GALNT13: variants seen among roughly 807,000 people sequenced by gnomAD.
The protein encoded by GALNT13 is UDP-GalNAc:polypeptide N-acetylgalactosaminyltransferase 13.
A neutral mutation model predicts 64.2 loss-of-function variants in GALNT13; 28 were observed. The observed-to-expected ratio is 0.44, with a 90% CI of 0.32 to 0.60. The LOEUF is 0.60. Among genes scored for constraint, GALNT13 ranks in the 20% least tolerant of loss-of-function variants. The probability of loss-of-function intolerance (pLI) is 0.05; values close to 1 mark genes in which losing one functional copy is unlikely to be tolerated. For missense variants in GALNT13, 577 were observed against 669.8 expected, an observed-to-expected ratio of 0.86 and a Z score of 1.53; for synonymous variants, 214 against 224.6, an observed-to-expected ratio of 0.95 and a Z score of 0.42.
intron 3 of GALNT13, among the ~76,000 whole-genome samples, chr2:154,024,310 C>G (rs559728345): frequency 6.6e-6 from 1 of 152,292 alleles, no homozygotes; most frequent in Admixed American, 6.5e-5. Flanking sequence ...GGTTGCATTT[C>G]TCCCCGTCAC....
the GALNT13 span, among the ~76,000 whole-genome samples, chr2:153,205,798 ACAACCT>A: frequency 6.6e-6 from 1 of 152,140 alleles, no homozygotes; most frequent in Non-Finnish European, 1.5e-5. Context: ...ATTTAATTTT[ACAACCT>A]TGTGCAAAAC....
intron 9 of GALNT13, among the ~76,000 whole-genome samples, chr2:154,374,462 G>A (rs1341059848): frequency 1.3e-5 from 2 of 152,144 alleles, no homozygotes; most frequent in African/African-American, 4.8e-5. Context: ...AGAGTTAGAA[G>A]CCATTACCAG....
intron 4 of GALNT13, among the ~76,000 whole-genome samples, chr2:154,171,597 A>G (rs989722192): frequency 1.2e-4 from 18 of 152,086 alleles, no homozygotes; most frequent in Admixed American, 5.9e-4. Flanking sequence ...TACTTTTCTG[A>G]ACTCTAAAGT....
intron 4 of GALNT13, among the ~76,000 whole-genome samples, chr2:154,196,114 A>G (rs955419868): frequency 1.3e-5 from 2 of 151,906 alleles, no homozygotes; most frequent in Non-Finnish European, 2.9e-5. Flanking sequence ...TATGAACACA[A>G]TGTTACCTCT....
chr2:153,490,832 TGC>T, the GALNT13 span, among the ~76,000 whole-genome samples: 6 of 151,738 alleles, frequency 4.0e-5, no homozygotes, highest in Admixed American at 3.9e-4. Flanking sequence ...TGGTAGTGGG[TGC>T]CTGTAATCCC....
chr2:154,335,694 ATAT>A (rs762394724), intron 9 of GALNT13, among the ~76,000 whole-genome samples: 121 of 152,116 alleles, frequency 8.0e-4, no homozygotes, highest in African/African-American at 2.6e-3. Flanking sequence ...ATAACGCGTA[ATAT>A]TATAGGGATT....
chr2:153,965,307 T>C (rs1693253950), intron 3 of GALNT13, among the ~76,000 whole-genome samples: 1 of 152,156 alleles, frequency 6.6e-6, no homozygotes, highest in South Asian at 2.1e-4. Flanking sequence ...ATCAAAAGTG[T>C]ATTTTTGTAC....
chr2:154,022,112 T>G (rs1045259002), intron 3 of GALNT13, among the ~76,000 whole-genome samples: 39 of 152,218 alleles, frequency 2.6e-4, no homozygotes, highest in Non-Finnish European at 5.6e-4. Context: ...TGCCAGTATT[T>G]TATTGAGGAT....
At chr2:153,662,647 G>A in the GALNT13 span, among the ~76,000 whole-genome samples, 1 of 152,150 alleles carries the variant, frequency 6.6e-6, no homozygotes, top group African/African-American at 2.4e-5. Flanking sequence ...TACAGTGAAT[G>A]ACTTGTTTAC....
At chr2:153,773,548 T>A in the GALNT13 span, among the ~76,000 whole-genome samples, 2 of 152,212 alleles carry the variant, frequency 1.3e-5, no homozygotes, top group Non-Finnish European at 2.9e-5. Context: ...ATTGAAGTAA[T>A]TTTAGATGTC....
chr2:153,185,435 G>T, the GALNT13 span, among the ~76,000 whole-genome samples: 1 of 151,904 alleles, frequency 6.6e-6, no homozygotes, highest in Non-Finnish European at 1.5e-5. Context: ...CTTTTTTAAG[G>T]GTTTTCATGT....
chr2:153,139,694 A>G, the GALNT13 span, among the ~76,000 whole-genome samples: 1 of 152,044 alleles, frequency 6.6e-6, no homozygotes, highest in African/African-American at 2.4e-5. Flanking sequence ...GGAGGAGGAC[A>G]GGTCATGCCA....
chr2:153,992,345 A>G (rs1695216051), intron 3 of GALNT13, among the ~76,000 whole-genome samples: 1 of 152,210 alleles, frequency 6.6e-6, no homozygotes, highest in Non-Finnish European at 1.5e-5. Context: ...TTTCTAAGGG[A>G]GAAGTTCAGA....
chr2:153,765,788 G>A, the GALNT13 span, among the ~76,000 whole-genome samples: 1 of 152,108 alleles, frequency 6.6e-6, no homozygotes, highest in Non-Finnish European at 1.5e-5. Flanking sequence ...GCCAAATAGA[G>A]ATAATTGAAT....
intron 3 of GALNT13, among the ~76,000 whole-genome samples, chr2:154,056,131 A>G (rs1699881922): frequency 6.6e-6 from 1 of 152,080 alleles, no homozygotes; most frequent in Admixed American, 6.6e-5. Context: ...TTATATGCCT[A>G]TTTAAAAAGA....
intron 4 of GALNT13, among the ~76,000 whole-genome samples, chr2:154,182,384 A>G (rs1218696912): frequency 6.6e-6 from 1 of 152,094 alleles, no homozygotes; most frequent in Admixed American, 6.6e-5. Context: ...AAAGTTGTCA[A>G]TGTATTCTAA....
At chr2:154,127,665 T>C (rs1191258618) in intron 3 of GALNT13, among the ~76,000 whole-genome samples, 1 of 149,886 alleles carries the variant, frequency 6.7e-6, no homozygotes, top group Non-Finnish European at 1.5e-5. Context: ...TGGATATATA[T>C]GGTCATACAT....
the GALNT13 span, among the ~76,000 whole-genome samples, chr2:153,818,197 G>C: frequency 6.6e-6 from 1 of 152,112 alleles, no homozygotes; most frequent in Non-Finnish European, 1.5e-5. Context: ...CTGGGAATGG[G>C]AGGACCCATG....
chr2:153,402,694 A>C, the GALNT13 span, among the ~76,000 whole-genome samples: 1 of 151,938 alleles, frequency 6.6e-6, no homozygotes, highest in African/African-American at 2.4e-5. Flanking sequence ...TCCATTGCTG[A>C]TACCCTTTCT....
Sources: gnomAD v4.1 joint callset for allele counts (sites outside exome capture counted in the v4.1 genomes callset) on GRCh38, gnomAD v4.1.1 for gene constraint, MANE v1.5 for transcripts, NCBI Gene and HGNC (gene_info 2026-07-23, HGNC 2026-07-21) for gene names.